Variants in CDH8 observed in about 807,000 individuals in gnomAD.
The protein encoded by CDH8 is cadherin-8.
A neutral mutation model predicts 68.1 loss-of-function variants in CDH8; 17 were observed. The observed-to-expected ratio is 0.25, with a 90% CI of 0.17 to 0.37. The LOEUF is 0.37. CDH8 is among the 10% of genes least tolerant of loss of function. The pLI is 1.00. For missense variants in CDH8, 763 were observed against 999.3 expected (o/e 0.76, Z 3.19); for synonymous variants, 372 against 365.1 (o/e 1.02, Z -0.21).
At chr16:62,033,809 A>T (rs980855618) in intron 1 of CDH8, among the ~76,000 whole-genome samples, 1 of 149,128 alleles carries the variant, frequency 6.7e-6, no homozygotes, top group East Asian at 2.0e-4. Flanking sequence ...TGCTGGAAAG[A>T]CTCCCCTCTC....
intron 10 of CDH8, among the ~76,000 whole-genome samples, chr16:61,666,370 T>A (rs1963679671): frequency 6.6e-6 from 1 of 152,046 alleles, no homozygotes; most frequent in African/African-American, 2.4e-5. Context: ...TGTTTAAATA[T>A]CTCAAGTTCT....
intron 2 of CDH8, chr16:61,940,847 C>T (rs545566463): frequency 1.3e-5 from 2 of 152,360 alleles, no homozygotes; most frequent in East Asian, 3.9e-4. Flanking sequence ...GAGATGCCTC[C>T]TTCTCTTTGT....
At chr16:61,724,247 A>T (rs1029437665) in intron 9 of CDH8, among the ~76,000 whole-genome samples, 9 of 150,686 alleles carry the variant, frequency 6.0e-5, no homozygotes, top group African/African-American at 1.9e-4. Flanking sequence ...TTGAATCTAG[A>T]CCTATTTTAG....
intron 2 of CDH8, among the ~76,000 whole-genome samples, chr16:61,994,603 G>A (rs1965779506): frequency 6.6e-6 from 1 of 152,118 alleles, no homozygotes; most frequent in Non-Finnish European, 1.5e-5. Context: ...AAACTATTTG[G>A]AGGATATGTT....
intron 10 of CDH8, among the ~76,000 whole-genome samples, chr16:61,685,173 G>T (rs1192445972): frequency 6.7e-6 from 1 of 149,338 alleles, no homozygotes; most frequent in African/African-American, 2.5e-5. Context: ...TTCTCTAAAG[G>T]GTCCTGTCTG....
At chr16:61,788,678 A>T (rs1349621344) in intron 8 of CDH8, among the ~76,000 whole-genome samples, 1 of 152,144 alleles carries the variant, frequency 6.6e-6, no homozygotes, top group South Asian at 2.1e-4. Context: ...AAGTGCAAAG[A>T]AGAAAAAAAA....
At chr16:61,970,932 C>T (rs1347000431) in intron 2 of CDH8, among the ~76,000 whole-genome samples, 3 of 152,136 alleles carry the variant, frequency 2.0e-5, no homozygotes, top group Admixed American at 1.3e-4. Context: ...TTGTTCCTTC[C>T]CCACCCTAAC....
chr16:61,762,161 C>T (rs1960487516), intron 8 of CDH8, among the ~76,000 whole-genome samples: 1 of 152,118 alleles, frequency 6.6e-6, no homozygotes, highest in South Asian at 2.1e-4. Context: ...GTGGTGTATA[C>T]ATAAACTTAC....
At chr16:61,999,824 T>C (rs551906449) in intron 2 of CDH8, among the ~76,000 whole-genome samples, 6 of 152,244 alleles carry the variant, frequency 3.9e-5, no homozygotes, top group Middle Eastern at 3.4e-3. Flanking sequence ...AGTCCTGGGA[T>C]ACATGTGCAG....
At chr16:61,902,997 C>A (rs931690818) in intron 2 of CDH8, among the ~76,000 whole-genome samples, 2 of 152,066 alleles carry the variant, frequency 1.3e-5, no homozygotes, top group Admixed American at 1.3e-4. Flanking sequence ...CACATGTTAA[C>A]ATTTTCATTA....
At chr16:61,729,173 C>G (rs1959465221) in intron 8 of CDH8, among the ~76,000 whole-genome samples, 2 of 150,880 alleles carry the variant, frequency 1.3e-5, no homozygotes, top group Admixed American at 1.3e-4. Context: ...ATAATTGTAC[C>G]AAGATTACTA....
intron 8 of CDH8, among the ~76,000 whole-genome samples, chr16:61,784,098 A>C (rs1173949004): frequency 6.6e-6 from 1 of 150,760 alleles, no homozygotes; most frequent in Non-Finnish European, 1.5e-5. Flanking sequence ...ATTAACTTTA[A>C]ATGTAAATGG....
intron 1 of CDH8, among the ~76,000 whole-genome samples, chr16:62,032,273 T>G (rs1902345401): frequency 6.6e-6 from 1 of 152,124 alleles, no homozygotes. Flanking sequence ...ATCTCAGACT[T>G]GAGCCAATAA....
chr16:61,989,488 G>A (rs2150588127), intron 2 of CDH8, among the ~76,000 whole-genome samples: 1 of 152,168 alleles, frequency 6.6e-6, no homozygotes, highest in South Asian at 2.1e-4. Flanking sequence ...AGAGCATCTG[G>A]GCCCTGGAAG....
chr16:61,780,058 C>A (rs1239320931), intron 8 of CDH8, among the ~76,000 whole-genome samples: 1 of 152,206 alleles, frequency 6.6e-6, no homozygotes, highest in African/African-American at 2.4e-5. Context: ...ATCTGAGTTT[C>A]TTTGCCTGGA....
intron 2 of CDH8, among the ~76,000 whole-genome samples, chr16:61,929,289 T>A (rs953498599): frequency 1.3e-5 from 2 of 152,166 alleles, no homozygotes; most frequent in African/African-American, 4.8e-5. Flanking sequence ...GGTTTCCTAT[T>A]CTGTACGGAA....
chr16:62,019,834 G>C (rs887869752), intron 2 of CDH8, among the ~76,000 whole-genome samples: 1 of 152,072 alleles, frequency 6.6e-6, no homozygotes, highest in East Asian at 1.9e-4. Context: ...GAATCAGAAA[G>C]GTTGGTGCCC....
At chr16:61,970,278 C>T (rs534910872) in intron 2 of CDH8, among the ~76,000 whole-genome samples, 2 of 152,200 alleles carry the variant, frequency 1.3e-5, no homozygotes, top group East Asian at 3.9e-4. Flanking sequence ...TTTAGAGACA[C>T]ATATTTGTAT....
intron 2 of CDH8, among the ~76,000 whole-genome samples, chr16:61,915,611 T>C (rs996575768): frequency 6.6e-6 from 1 of 152,184 alleles, no homozygotes; most frequent in Non-Finnish European, 1.5e-5. Context: ...ACTAGGTGTT[T>C]AGTGTTTTGT....
Sources: gnomAD v4.1 joint callset for allele counts (sites outside exome capture counted in the v4.1 genomes callset) on GRCh38, gnomAD v4.1.1 for gene constraint, MANE v1.5 for transcripts, NCBI Gene and HGNC (gene_info 2026-07-23, HGNC 2026-07-21) for gene names.